TENM3: variants seen among roughly 807,000 people sequenced by gnomAD.
TENM3 encodes the protein teneurin-3.
Under a neutral mutation model 255.1 loss-of-function variants are expected in TENM3, and 63 were observed. The ratio of observed to expected loss-of-function variants is 0.25; its 90% CI spans 0.20 to 0.30. The LOEUF (loss-of-function observed/expected upper bound fraction) is 0.30, where lower values mean the gene tolerates loss of function less well. Among genes scored for constraint, TENM3 ranks in the 10% least tolerant of loss-of-function variants. The probability of loss-of-function intolerance (pLI) is 1.00; values close to 1 mark genes in which losing one functional copy is unlikely to be tolerated. For missense variants in TENM3, 2,929 were observed against 3,461.1 expected, an observed-to-expected ratio of 0.85 and a Z score of 3.86; for synonymous variants, 1,306 against 1,322.3, an observed-to-expected ratio of 0.99 and a Z score of 0.27.
intron 1 of TENM3, among the ~76,000 whole-genome samples, chr4:182,224,824 C>T (rs537380139): frequency 1.5e-3 from 224 of 151,792 alleles, no homozygotes; most frequent in African/African-American, 5.2e-3. Flanking sequence ...GTAAACTCCG[C>T]CTCCCAGGTT....
At chr4:182,732,349 A>T (rs1034566627) in intron 16 of TENM3, among the ~76,000 whole-genome samples, 1 of 152,224 alleles carries the variant, frequency 6.6e-6, no homozygotes, top group Non-Finnish European at 1.5e-5. Context: ...TATTGTTGTC[A>T]GTAAAAAGTG....
At chr4:181,832,861 C>A in the TENM3 span, among the ~76,000 whole-genome samples, 1 of 152,096 alleles carries the variant, frequency 6.6e-6, no homozygotes, top group Non-Finnish European at 1.5e-5. Context: ...GTGAAATGAA[C>A]CCCGTGGATA....
intron 1 of TENM3, among the ~76,000 whole-genome samples, chr4:182,270,034 A>G (rs576877214): frequency 6.6e-6 from 1 of 152,314 alleles, no homozygotes; most frequent in African/African-American, 2.4e-5. Flanking sequence ...CTAATTGGCA[A>G]TTGGTTGAAA....
chr4:182,591,306 C>A (rs978461156), intron 3 of TENM3, among the ~76,000 whole-genome samples: 1 of 152,118 alleles, frequency 6.6e-6, no homozygotes, highest in Non-Finnish European at 1.5e-5. Context: ...TTCTTCTAAT[C>A]CTCAAAGCAT....
chr4:182,692,005 G>A (rs1757045775), intron 12 of TENM3, among the ~76,000 whole-genome samples: 1 of 152,122 alleles, frequency 6.6e-6, no homozygotes, highest in Non-Finnish European at 1.5e-5. Flanking sequence ...TAGGAAATAT[G>A]TAAAAATATT....
the TENM3 span, among the ~76,000 whole-genome samples, chr4:181,672,597 T>C: frequency 6.6e-6 from 1 of 152,072 alleles, no homozygotes; most frequent in African/African-American, 2.4e-5. Context: ...TATAAAAGAG[T>C]ACTCAGATTA....
chr4:181,790,646 T>A, the TENM3 span, among the ~76,000 whole-genome samples: 1 of 152,188 alleles, frequency 6.6e-6, no homozygotes, highest in Non-Finnish European at 1.5e-5. Context: ...TCACAGACAT[T>A]TCAATCTAGA....
At chr4:182,614,895 C>T (rs551465280) in intron 4 of TENM3, among the ~76,000 whole-genome samples, 34 of 151,824 alleles carry the variant, frequency 2.2e-4, no homozygotes, top group Non-Finnish European at 4.1e-4. Flanking sequence ...AGATCCGAAG[C>T]TACCATTGCT....
Position 182,210,374 on chromosome 4 carries a change from T to C in TENM3, c.-76+65620T>C, listed in dbSNP as rs569817705. On this transcript the variant is annotated intron_variant, in intron 1 of 2. Transcript: ENST00000512480. The stretch of plus-strand genomic sequence containing the variant: ...CCATTTTACTCAGTGGCCTTCCTGT[T>C]ACTCTCTCCTCTCAAAGCCTGGAAG... Among the ~76,000 whole-genome samples the C allele has an allele frequency of 3.3e-5, 5 of 152,334 alleles. No individual in the cohort carries two copies. In the South Asian group the frequency reaches 1.0e-3, roughly 32 times the overall value.
the TENM3 span, among the ~76,000 whole-genome samples, chr4:182,008,497 T>C: frequency 6.6e-6 from 1 of 151,958 alleles, no homozygotes; most frequent in Admixed American, 6.5e-5. Flanking sequence ...CTTCAAACTC[T>C]GATATCCTTT....
chr4:181,629,307 T>A, the TENM3 span, among the ~76,000 whole-genome samples: 5 of 152,176 alleles, frequency 3.3e-5, no homozygotes, highest in African/African-American at 1.2e-4. Context: ...CTTCCTCTTT[T>A]CCTAATTGAA....
intron 1 of TENM3, among the ~76,000 whole-genome samples, chr4:182,266,469 G>A (rs1244718204): frequency 6.6e-6 from 1 of 152,106 alleles, no homozygotes; most frequent in Non-Finnish European, 1.5e-5. Flanking sequence ...TTCAACATTG[G>A]AATAGAAGCA....
chr4:181,905,823 T>C, the TENM3 span: 3 of 408,688 alleles, frequency 7.3e-6, no homozygotes, highest in South Asian at 6.6e-5. Context: ...ATCAGTCTAT[T>C]CTTCCTCCTC....
the TENM3 span, among the ~76,000 whole-genome samples, chr4:181,740,966 T>A: frequency 9.9e-5 from 15 of 152,166 alleles, no homozygotes; most frequent in Non-Finnish European, 2.1e-4. Context: ...TATTATTACC[T>A]GTGAGAAAAG....
chr4:182,331,932 A>G (rs1265814221), intron 2 of TENM3, among the ~76,000 whole-genome samples: 1 of 152,232 alleles, frequency 6.6e-6, no homozygotes, highest in Non-Finnish European at 1.5e-5. Flanking sequence ...CTTCTTTTAG[A>G]ATCAGGCAGA....
intron 6 of TENM3, 54 bp from the exon 7 acceptor site, chr4:182,672,951 G>GT: frequency 1.5e-6 from 2 of 1,310,766 alleles, no homozygotes; most frequent in South Asian, 1.4e-5. Flanking sequence ...AACCTTTTTT[G>GT]TTTTGTTTTT....
intron 1 of TENM3, among the ~76,000 whole-genome samples, chr4:182,252,180 C>T (rs998630148): frequency 1.3e-5 from 2 of 149,362 alleles, no homozygotes; most frequent in African/African-American, 4.9e-5. Context: ...GAGACTCCAT[C>T]TCAAAAAAAA....
the TENM3 span, among the ~76,000 whole-genome samples, chr4:182,077,287 A>G: frequency 0.029 from 4,390 of 152,276 alleles, 95 homozygotes; most frequent in Non-Finnish European, 0.043. Context: ...ATAAGCTTCT[A>G]GAGAATAAGC....
At chr4:182,242,954 A>T (rs922416182), upstream of TENM3, among the ~76,000 whole-genome samples, 1 of 152,224 alleles carries the variant, frequency 6.6e-6, no homozygotes, top group Non-Finnish European at 1.5e-5. Flanking sequence ...AAGCAAGATA[A>T]TCACTAGGTT....
Sources: allele counts gnomAD v4.1 joint callset (sites outside exome capture counted in the v4.1 genomes callset), GRCh38; gene constraint gnomAD v4.1.1; transcripts MANE v1.5; gene names NCBI Gene and HGNC (gene_info 2026-07-23, HGNC 2026-07-21).